SLC10A7: variants seen among roughly 807,000 people sequenced by gnomAD.
SLC10A7 encodes solute carrier family 10 member 7, also known as sodium/bile acid cotransporter 7.
SLC10A7 carries 29 observed loss-of-function variants against 43.2 expected under a neutral mutation model. The ratio of observed to expected loss-of-function variants is 0.67; its 90% confidence interval spans 0.50 to 0.92. SLC10A7 has a LOEUF of 0.92. Ranked by LOEUF, SLC10A7 falls within the 40% of genes least tolerant of loss-of-function variation. The pLI is 0.00. For synonymous variants in SLC10A7, 152 were observed against 144.8 expected (o/e 1.05, Z -0.35); for missense variants, 295 against 403.2 (o/e 0.73, Z 2.30).
intron 9 of SLC10A7, among the ~76,000 whole-genome samples, chr4:146,287,167 A>AGAAGGACCGTGTCTGGAGTGGTGT (rs1730079820): frequency 6.6e-6 from 1 of 151,966 alleles, no homozygotes. Flanking sequence ...TGGAGTGGTG[A>AGAAGGACCGTGTCTGGAGTGGTGT]GAAGGACTGT....
rs1729653703 is a variant in SLC10A7, at chr4:146,283,120, T to C, written c.847+72A>G. The C allele has an allele frequency of 2.4e-6, 3 of 1,229,056 alleles. No homozygotes were observed. In the African/African-American group the frequency reaches 4.5e-5, roughly 18 times the overall value. 76.1% of individuals were successfully genotyped at this position (1,229,056 alleles called of 1,614,324 possible). The stretch of plus-strand genomic sequence containing the variant: ...CCATTCCATTTAATTTGAAGAGTTC[T>C]TTGAATATCAAAGTCATAAGATGTA... On this transcript the variant is annotated intron_variant, in intron 10 of 11. Coordinates refer to ENST00000335472, the MANE Select transcript of SLC10A7 (RefSeq NM_001029998.6).
At chr4:146,261,515 C>A (rs1202697514) in intron 10 of SLC10A7, among the ~76,000 whole-genome samples, 1 of 152,176 alleles carries the variant, frequency 6.6e-6, no homozygotes, top group East Asian at 1.9e-4. Flanking sequence ...TTAATCAATT[C>A]CCTGTATTCA....
At chr4:146,425,531 A>G (rs569376477) in intron 5 of SLC10A7, among the ~76,000 whole-genome samples, 102 of 152,330 alleles carry the variant, frequency 6.7e-4, no homozygotes, top group Non-Finnish European at 1.1e-3. Flanking sequence ...TGTGGACACC[A>G]TATTGGTCAG....
At chr4:146,466,971 T>A (rs1309787542) in intron 4 of SLC10A7, among the ~76,000 whole-genome samples, 4 of 152,148 alleles carry the variant, frequency 2.6e-5, no homozygotes, top group East Asian at 1.9e-4. Flanking sequence ...GGGATTGTCA[T>A]GGCCCCAAAA....
At chr4:146,513,174 C>T (rs1167196224) in intron 2 of SLC10A7, among the ~76,000 whole-genome samples, 1 of 151,684 alleles carries the variant, frequency 6.6e-6, no homozygotes, top group Non-Finnish European at 1.5e-5. Context: ...ATCTTTATAC[C>T]TTTCAATTCT....
chr4:146,511,536 G>A (rs1320939204), intron 2 of SLC10A7, among the ~76,000 whole-genome samples: 2 of 152,122 alleles, frequency 1.3e-5, no homozygotes, highest in South Asian at 2.1e-4. Flanking sequence ...AGACTCATTC[G>A]CTCATCACCA....
In SLC10A7 at chr4:146,306,128, C is replaced by G. The variant is rs947268547; in HGVS notation, c.472-119G>C. On this transcript the variant is annotated intron_variant, in intron 6 of 11. Coordinates refer to ENST00000335472, the MANE Select transcript of SLC10A7 (RefSeq NM_001029998.6). ...GCACCAAAAATTTGGTAGCTATCTA[C>G]AAAGAATAAGTGAAGTTACCTCTAA... is the stretch of plus-strand genomic sequence containing the variant. 4.7e-6 allele frequency: 3 copies of G among 642,928 alleles called. No individual in the cohort carries two copies. The African/African-American group carries it at 5.7e-5, about 12-fold the overall frequency. The allele number at this position is 642,928 out of a possible 1,614,324, so 39.8% of individuals were successfully genotyped here.
intron 5 of SLC10A7, among the ~76,000 whole-genome samples, chr4:146,396,279 C>T (rs931858996): frequency 2.6e-5 from 4 of 152,006 alleles, no homozygotes; most frequent in African/African-American, 9.7e-5. Context: ...AAAGGGCTTG[C>T]AACATGGAAA....
intron 4 of SLC10A7, among the ~76,000 whole-genome samples, chr4:146,473,388 G>C (rs1469106216): frequency 6.6e-6 from 1 of 152,104 alleles, no homozygotes; most frequent in East Asian, 1.9e-4. Flanking sequence ...TGTTTTATCT[G>C]TGTGTGATTT....
intron 5 of SLC10A7, among the ~76,000 whole-genome samples, chr4:146,436,029 T>TA (rs1350375112): frequency 6.6e-6 from 1 of 151,948 alleles, no homozygotes; most frequent in Non-Finnish European, 1.5e-5. Flanking sequence ...CTTTAAATGG[T>TA]AATGAAATCA....
intron 5 of SLC10A7, among the ~76,000 whole-genome samples, chr4:146,417,482 C>T (rs1306512200): frequency 6.6e-6 from 1 of 152,130 alleles, no homozygotes; most frequent in Non-Finnish European, 1.5e-5. Context: ...CCAGGGTGAA[C>T]ACAAGTTTTG....
chr4:146,485,759 T>C (rs1211935391), intron 4 of SLC10A7, among the ~76,000 whole-genome samples: 1 of 152,122 alleles, frequency 6.6e-6, no homozygotes, highest in Admixed American at 6.5e-5. Flanking sequence ...ATAAGGATGA[T>C]GACAACAACA....
intron 3 of SLC10A7, among the ~76,000 whole-genome samples, chr4:146,508,370 A>C (rs749136595): frequency 6.6e-6 from 1 of 152,252 alleles, no homozygotes; most frequent in Non-Finnish European, 1.5e-5. Context: ...GCAGATATTC[A>C]GTAACTATTG....
intron 5 of SLC10A7, among the ~76,000 whole-genome samples, chr4:146,341,034 C>A (rs1332435073): frequency 6.6e-6 from 1 of 151,772 alleles, no homozygotes; most frequent in South Asian, 2.1e-4. Context: ...TGAATCACTG[C>A]ATGTTTAAAA....
chr4:146,451,600 C>T (rs1443609225), intron 4 of SLC10A7, among the ~76,000 whole-genome samples: 6 of 152,148 alleles, frequency 3.9e-5, no homozygotes, highest in Middle Eastern at 6.8e-3. Flanking sequence ...ATGTGGCACA[C>T]CACATCAATA....
intron 5 of SLC10A7, among the ~76,000 whole-genome samples, chr4:146,393,403 G>A (rs893151210): frequency 5.3e-5 from 8 of 152,052 alleles, no homozygotes; most frequent in African/African-American, 1.2e-4. Flanking sequence ...TGTAAATGGT[G>A]GAGGTGGAAT....
intron 7 of SLC10A7, 46 bp downstream of exon 7, chr4:146,305,880 C>G (rs1380959806): frequency 2.0e-6 from 3 of 1,485,172 alleles, no homozygotes; most frequent in African/African-American, 1.4e-5. Flanking sequence ...TAAGATTTCA[C>G]AATTTGATCC....
At chr4:146,381,154 G>C (rs1737590753) in intron 5 of SLC10A7, among the ~76,000 whole-genome samples, 1 of 152,064 alleles carries the variant, frequency 6.6e-6, no homozygotes, top group Non-Finnish European at 1.5e-5. Flanking sequence ...TGCAAATGAG[G>C]GGCCCTAAAG....
intron 10 of SLC10A7, among the ~76,000 whole-genome samples, chr4:146,260,958 T>C (rs1014088823): frequency 2.6e-5 from 4 of 152,164 alleles, no homozygotes; most frequent in Non-Finnish European, 5.9e-5. Flanking sequence ...ACCCCAATAG[T>C]GGCAAGGAAG....
Sources: gnomAD v4.1 joint callset for allele counts (sites outside exome capture counted in the v4.1 genomes callset) on GRCh38, gnomAD v4.1.1 for gene constraint, MANE v1.5 for transcripts, NCBI Gene and HGNC (gene_info 2026-07-23, HGNC 2026-07-21) for gene names.